Variants in TRPA1 observed in about 807,000 individuals in gnomAD.
The protein encoded by TRPA1 is ankyrin-like with transmembrane domains 1.
A neutral mutation model predicts 131.3 loss-of-function variants in TRPA1; 129 were observed. The ratio of observed to expected loss-of-function variants is 0.98; its 90% CI spans 0.85 to 1.14. The LOEUF (loss-of-function observed/expected upper bound fraction) is 1.14, where lower values mean the gene tolerates loss of function less well. Ranked by LOEUF, TRPA1 falls within the 50% of genes most tolerant of loss-of-function variation. The pLI is 0.00. For missense variants in TRPA1, 1,304 were observed against 1,354.2 expected, an observed-to-expected ratio of 0.96 and a Z score of 0.58; for synonymous variants, 441 against 451.7, an observed-to-expected ratio of 0.98 and a Z score of 0.30.
chr8:72,028,154 A>G (rs1227447175), intron 24 of TRPA1, among the ~76,000 whole-genome samples: 1 of 152,176 alleles, frequency 6.6e-6, no homozygotes, highest in African/African-American at 2.4e-5. Context: ...CCTGCCTTCA[A>G]TCTTTCCTCA....
chr8:72,064,825 A>AGGG (rs1392577343), intron 4 of TRPA1, among the ~76,000 whole-genome samples: 2 of 47,944 alleles, frequency 4.2e-5, no homozygotes, highest in African/African-American at 3.2e-4. Context: ...AGCACTGAGG[A>AGGG]AGTCATGTAG....
At chr8:72,061,297 G>A (rs1360250292) in intron 7 of TRPA1, among the ~76,000 whole-genome samples, 3 of 152,104 alleles carry the variant, frequency 2.0e-5, no homozygotes, top group Non-Finnish European at 4.4e-5. Context: ...ATAAATATGA[G>A]AAATTGGAAC....
intron 3 of TRPA1, among the ~76,000 whole-genome samples, chr8:72,066,896 G>A (rs1563403886): frequency 2.0e-5 from 3 of 152,176 alleles, no homozygotes; most frequent in East Asian, 1.9e-4. Context: ...AAGGTTTGGA[G>A]GTGAGCCCTC....
intron 7 of TRPA1, among the ~76,000 whole-genome samples, chr8:72,060,694 G>T (rs1394403706): frequency 6.6e-6 from 1 of 151,832 alleles, no homozygotes; most frequent in African/African-American, 2.4e-5. Context: ...AAGTAAATTT[G>T]TCTTTGGTCA....
chr8:72,078,693 A>G (rs117232389), upstream of TRPA1, among the ~76,000 whole-genome samples: 2,533 of 152,188 alleles, frequency 0.017, 45 homozygotes, highest in Non-Finnish European at 0.027. Flanking sequence ...GTTTGGGTCT[A>G]TTATAAATAA....
intron 9 of TRPA1, among the ~76,000 whole-genome samples, chr8:72,057,419 A>T (rs1805696741): frequency 6.6e-6 from 1 of 152,210 alleles, no homozygotes. Context: ...CACAGGACTG[A>T]TACATTGAAA....
At chr8:72,039,305 T>G (rs890309573) in intron 18 of TRPA1, among the ~76,000 whole-genome samples, 2 of 152,058 alleles carry the variant, frequency 1.3e-5, no homozygotes, top group African/African-American at 4.8e-5. Flanking sequence ...ACACACCTCT[T>G]TCTTCATTGT....
At chr8:72,052,930 C>T (rs1313824855) in intron 13 of TRPA1, 165 bp from the exon 14 acceptor site, 22 of 625,776 alleles carry the variant, frequency 3.5e-5, no homozygotes, top group Non-Finnish European at 5.3e-5. Flanking sequence ...GTTTATAGTT[C>T]TAGCATGGTG....
At chr8:72,085,460 A>G in the TRPA1 span, among the ~76,000 whole-genome samples, 29,097 of 151,838 alleles carry the variant, frequency 0.19, 2,833 homozygotes, top group Admixed American at 0.23. Flanking sequence ...GTTCATAACA[A>G]TGGTGGTAAA....
chr8:72,026,108 T>C (rs535175398), intron 24 of TRPA1, 35 bp from the exon 25 acceptor site: 15 of 1,529,454 alleles, frequency 9.8e-6, no homozygotes, highest in Non-Finnish European at 1.4e-5. Context: ...ATAGAATCAT[T>C]AGTTAGTATA....
intron 8 of TRPA1, among the ~76,000 whole-genome samples, chr8:72,058,919 A>G (rs1010069243): frequency 6.6e-6 from 1 of 152,122 alleles, no homozygotes; most frequent in East Asian, 1.9e-4. Context: ...CTCATGCTTC[A>G]TGCTTTCACT....
chr8:72,074,571 C>G (rs1220276699), intron 1 of TRPA1, among the ~76,000 whole-genome samples: 1 of 152,174 alleles, frequency 6.6e-6, no homozygotes, highest in Non-Finnish European at 1.5e-5. Flanking sequence ...TGCTGACAAT[C>G]TGATGAAATC....
At position 72,051,342 on chromosome 8, in the gene TRPA1, T is replaced by C. The variant is rs1805502473; in HGVS notation, c.1812-471A>G. 1.3e-5 allele frequency among the ~76,000 whole-genome samples: 2 copies of C among 152,212 alleles called. 1 individual carries two copies. Among genetic ancestry groups the C allele is most frequent in the South Asian group, 4.1e-4 (2 of 4,826 alleles). On this transcript the variant is annotated intron_variant, in intron 14 of 26. Coordinates refer to ENST00000262209, the MANE Select transcript of TRPA1 (RefSeq NM_007332.3). ...AATTAACACATGTAAAGTGCATTGA[T>C]AAGCATAGCCTCTGCCAGAACATTC...
chr8:72,083,811 A>C, the TRPA1 span, among the ~76,000 whole-genome samples: 1 of 152,182 alleles, frequency 6.6e-6, no homozygotes, highest in African/African-American at 2.4e-5. Context: ...TAAACTGTAG[A>C]ATCTGTTTCC....
chr8:72,062,961 C>CA lies in TRPA1; in HGVS notation c.662-18dup, dbSNP rs758746095. ...GCTCTTCACCTTGAGAAGAAAATAA[C>CA]ATTCAACATAACAAATATATAAAAT... is the stretch of plus-strand genomic sequence containing the variant. On this transcript the variant is annotated splice_polypyrimidine_tract_variant and intron_variant, in intron 5 of 26. Transcript: ENST00000262209. The CA allele has an allele frequency of 6.8e-6, 11 of 1,609,488 alleles. No homozygotes were observed. The highest frequency in any genetic ancestry group is 5.9e-6 in the Non-Finnish European group (7 of 1,176,932).
chr8:72,022,866 A>G lies in TRPA1; in HGVS notation c.*40T>C. On this transcript the variant is annotated 3_prime_UTR_variant, in exon 27 of 27. Coordinates refer to ENST00000262209, the MANE Select transcript of TRPA1 (RefSeq NM_007332.3). The stretch of plus-strand genomic sequence containing the variant: ...AATTGAAAGTTAGAACCAGCAAGTC[A>G]TGCACCCCCCATTAGAAGCCTCACT... 2 of 1,574,358 alleles carry G rather than the reference A, an allele frequency of 1.3e-6. No individual in the cohort carries two copies. The highest frequency in any genetic ancestry group is 1.7e-6 in the Non-Finnish European group (2 of 1,144,848).
At chr8:72,050,176 G>A (rs1037072927) in intron 15 of TRPA1, among the ~76,000 whole-genome samples, 2 of 151,976 alleles carry the variant, frequency 1.3e-5, no homozygotes, top group Non-Finnish European at 2.9e-5. Flanking sequence ...TCCCACCTAT[G>A]AGTGAGAACA....
the TRPA1 span, among the ~76,000 whole-genome samples, chr8:72,080,966 T>C: frequency 1.3e-5 from 2 of 151,790 alleles, no homozygotes; most frequent in African/African-American, 2.4e-5. Flanking sequence ...ATCAGTTTTG[T>C]TGATTGTTTT....
At chr8:72,084,673 A>G in the TRPA1 span, among the ~76,000 whole-genome samples, 1 of 107,332 alleles carries the variant, frequency 9.3e-6, no homozygotes, top group African/African-American at 3.5e-5. Context: ...TTTTTTTGAG[A>G]CAGGGTCTAG....
Sources: allele counts gnomAD v4.1 joint callset (sites outside exome capture counted in the v4.1 genomes callset), GRCh38; gene constraint gnomAD v4.1.1; transcripts MANE v1.5; gene names NCBI Gene and HGNC (gene_info 2026-07-23, HGNC 2026-07-21).